Variants in FRMD3 observed in about 807,000 individuals in gnomAD.
The protein encoded by FRMD3 is FERM domain-containing protein 3.
A neutral mutation model predicts 70.2 loss-of-function variants in FRMD3; 33 were observed. That is an observed-to-expected ratio of 0.47 (90% confidence interval 0.36 to 0.63). The LOEUF (loss-of-function observed/expected upper bound fraction) is 0.63. Among genes scored for constraint, FRMD3 ranks in the 20% least tolerant of loss-of-function variants. The pLI is 0.00. For synonymous variants in FRMD3, 279 were observed against 255.9 expected, an observed-to-expected ratio of 1.09 and a Z score of -0.86; for missense variants, 632 against 711.4, an observed-to-expected ratio of 0.89 and a Z score of 1.27.
At chr9:83,407,257 A>G (rs1826130342) in intron 1 of FRMD3, among the ~76,000 whole-genome samples, 1 of 152,244 alleles carries the variant, frequency 6.6e-6, no homozygotes, top group African/African-American at 2.4e-5. Flanking sequence ...GATAATTTGT[A>G]CACACAGTAA....
intron 2 of FRMD3, among the ~76,000 whole-genome samples, chr9:83,386,677 T>C (rs1346958219): frequency 6.6e-6 from 1 of 152,190 alleles, no homozygotes; most frequent in African/African-American, 2.4e-5. Context: ...TATTCTACCA[T>C]AGCATTAACT....
At chr9:83,431,390 A>G (rs2131376283) in intron 1 of FRMD3, among the ~76,000 whole-genome samples, 1 of 152,370 alleles carries the variant, frequency 6.6e-6, no homozygotes, top group Non-Finnish European at 1.5e-5. Context: ...TATGCCCTCC[A>G]AAATCATCTT....
At chr9:83,386,579 C>T (rs1825516542) in intron 2 of FRMD3, among the ~76,000 whole-genome samples, 1 of 152,182 alleles carries the variant, frequency 6.6e-6, no homozygotes, top group African/African-American at 2.4e-5. Context: ...GTATAACCTT[C>T]ACTCATCTTC....
At chr9:83,392,679 G>A (rs567536520) in intron 1 of FRMD3, among the ~76,000 whole-genome samples, 36 of 152,086 alleles carry the variant, frequency 2.4e-4, no homozygotes, top group African/African-American at 4.8e-4. Context: ...GGAACAGAAG[G>A]AAGCACTTTC....
chr9:83,552,718 C>T, the FRMD3 span, among the ~76,000 whole-genome samples: 1 of 152,048 alleles, frequency 6.6e-6, no homozygotes, highest in Non-Finnish European at 1.5e-5. Flanking sequence ...GAACCTTTTG[C>T]CATTATGTAA....
At chr9:83,452,515 TCC>T (rs1303034201) in intron 1 of FRMD3, among the ~76,000 whole-genome samples, 2 of 151,954 alleles carry the variant, frequency 1.3e-5, no homozygotes, top group African/African-American at 4.8e-5. Flanking sequence ...GGAGTCTCGC[TCC>T]GTCGCCCAGG....
chr9:83,290,792 C>A (rs535444393), intron 12 of FRMD3, 65 bp from the exon 13 acceptor site: 3 of 1,529,168 alleles, frequency 2.0e-6, no homozygotes, highest in Non-Finnish European at 1.8e-6. Context: ...TCCATCTCAG[C>A]GGGCTGCCCA....
At chr9:83,341,466 A>G (rs1034692952) in intron 5 of FRMD3, among the ~76,000 whole-genome samples, 6 of 152,086 alleles carry the variant, frequency 3.9e-5, no homozygotes, top group African/African-American at 1.4e-4. Context: ...GCCTAAATGC[A>G]TTCTGAAATC....
At chr9:83,424,107 T>C (rs1160562260) in intron 1 of FRMD3, among the ~76,000 whole-genome samples, 4 of 152,064 alleles carry the variant, frequency 2.6e-5, no homozygotes, top group Non-Finnish European at 5.9e-5. Context: ...GGGGCCTGAG[T>C]CTCTGCATTT....
intron 1 of FRMD3, among the ~76,000 whole-genome samples, chr9:83,447,815 C>T (rs1009716013): frequency 6.6e-6 from 1 of 152,146 alleles, no homozygotes; most frequent in African/African-American, 2.4e-5. Flanking sequence ...CATGTTCTGG[C>T]CGAGTCACCT....
intron 1 of FRMD3, among the ~76,000 whole-genome samples, chr9:83,509,083 A>AT (rs35119061): frequency 0.78 from 117,720 of 150,940 alleles, 46,262 homozygotes; most frequent in African/African-American, 0.9. Flanking sequence ...TATTTTACTT[A>AT]TTTTTGCCTC....
chr9:83,381,407 T>A (rs1825348717), intron 2 of FRMD3, among the ~76,000 whole-genome samples: 1 of 152,014 alleles, frequency 6.6e-6, no homozygotes, highest in African/African-American at 2.4e-5. Flanking sequence ...ATACAAAAAA[T>A]TAGCCGGGTG....
intron 2 of FRMD3, among the ~76,000 whole-genome samples, chr9:83,381,260 A>G (rs1000392318): frequency 6.6e-6 from 1 of 152,206 alleles, no homozygotes; most frequent in African/African-American, 2.4e-5. Context: ...AAATCAATCT[A>G]TGTAAGAAAA....
At chr9:83,543,872 G>A in the FRMD3 span, among the ~76,000 whole-genome samples, 4 of 152,120 alleles carry the variant, frequency 2.6e-5, no homozygotes, top group East Asian at 3.9e-4. Context: ...CAGCCAGGTG[G>A]CCCCAGTGCT....
At position 83,538,387 on chromosome 9, in the gene FRMD3, C is replaced by G. The variant is rs900839366; in HGVS notation, c.-156G>C. 1.5e-5 allele frequency: 8 copies of G among 548,890 alleles called. No individual in the cohort carries two copies. The allele number at this position is 548,890 out of a possible 1,614,324, so 34.0% of individuals were successfully genotyped here. A position where few individuals can be genotyped will look rare whatever the true frequency, so the allele number is the denominator to read the frequency against. ...GGCGCCTGCGGACACACATGCCCAG[C>G]GGCCGGGGCGCGGCGGGCGGGTCCC... is the stretch of plus-strand genomic sequence containing the variant. On this transcript the variant is annotated 5_prime_UTR_variant, in exon 1 of 14. Coordinates refer to ENST00000304195, the MANE Select transcript of FRMD3 (RefSeq NM_174938.6). The surrounding 1 kb of genome is among the most constrained non-coding windows in gnomAD (Gnocchi z 4.7).
At chr9:83,267,277 G>A in intron 13 of FRMD3, 1 of 1,485,684 alleles carries the variant, frequency 6.7e-7, no homozygotes, top group Non-Finnish European at 9.0e-7. Flanking sequence ...GCGGCCAACA[G>A]AAATAACTCA....
chr9:83,574,231 C>T, the FRMD3 span, among the ~76,000 whole-genome samples: 1 of 152,148 alleles, frequency 6.6e-6, no homozygotes, highest in South Asian at 2.1e-4. Flanking sequence ...TCCATCTGCT[C>T]CAGGTATGAC....
intron 13 of FRMD3, chr9:83,267,292 G>A: frequency 6.8e-7 from 1 of 1,466,642 alleles, no homozygotes; most frequent in Non-Finnish European, 9.0e-7. Context: ...AACTCATGAG[G>A]GATCAGCATT....
chr9:83,358,103 T>C (rs1377425007), intron 3 of FRMD3, among the ~76,000 whole-genome samples: 1 of 152,216 alleles, frequency 6.6e-6, no homozygotes, highest in Non-Finnish European at 1.5e-5. Flanking sequence ...CTTGAGTTGA[T>C]TTTTGTATAA....
Sources: allele counts gnomAD v4.1 joint callset (sites outside exome capture counted in the v4.1 genomes callset), GRCh38; gene constraint gnomAD v4.1.1; non-coding constraint Gnocchi (gnomAD v3.1); transcripts MANE v1.5; gene names NCBI Gene and HGNC (gene_info 2026-07-23, HGNC 2026-07-21).